Variants in NRXN1 observed in about 807,000 individuals in gnomAD.
The protein encoded by NRXN1 is neurexin-1.
A neutral mutation model predicts 150.9 loss-of-function variants in NRXN1; 39 were observed. That is an observed-to-expected ratio of 0.26 (90% confidence interval 0.20 to 0.34). The LOEUF is 0.34. NRXN1 is among the 10% of genes least tolerant of loss of function. NRXN1 has a pLI of 1.00. For synonymous variants in NRXN1, 924 were observed against 757.0 expected, an observed-to-expected ratio of 1.22 and a Z score of -3.62; for missense variants, 1,815 against 1,949.9, an observed-to-expected ratio of 0.93 and a Z score of 1.30.
At chr2:50,009,272 T>A (rs1204670891) in intron 21 of NRXN1, among the ~76,000 whole-genome samples, 3 of 152,084 alleles carry the variant, frequency 2.0e-5, no homozygotes, top group Non-Finnish European at 4.4e-5. Context: ...TCACTAAGCA[T>A]AGAAAGTCCT....
At chr2:50,454,874 G>A (rs1213151935) in intron 17 of NRXN1, among the ~76,000 whole-genome samples, 1 of 152,132 alleles carries the variant, frequency 6.6e-6, no homozygotes, top group Non-Finnish European at 1.5e-5. Flanking sequence ...TTTGGGTTCA[G>A]AAGCAGAAGA....
At chr2:50,285,854 G>A (rs1193036943) in intron 17 of NRXN1, among the ~76,000 whole-genome samples, 1 of 140,838 alleles carries the variant, frequency 7.1e-6, no homozygotes, top group African/African-American at 2.7e-5. Context: ...GTATAAAAGA[G>A]TTTTTTTGAA....
chr2:50,670,345 G>T (rs1688662876), intron 5 of NRXN1, among the ~76,000 whole-genome samples: 1 of 151,012 alleles, frequency 6.6e-6, no homozygotes, highest in African/African-American at 2.4e-5. Flanking sequence ...TATATTTAAT[G>T]CTATTTATTT....
At chr2:50,000,784 G>T (rs1683787808) in intron 21 of NRXN1, among the ~76,000 whole-genome samples, 1 of 152,058 alleles carries the variant, frequency 6.6e-6, no homozygotes, top group Non-Finnish European at 1.5e-5. Flanking sequence ...TGTGAAAATG[G>T]CTAGGATCAG....
intron 17 of NRXN1, among the ~76,000 whole-genome samples, chr2:50,249,120 G>C (rs2066796024): frequency 6.7e-6 from 1 of 149,384 alleles, no homozygotes; most frequent in Admixed American, 6.7e-5. Context: ...TCACATCACT[G>C]CATTCCACCC....
intron 2 of NRXN1, among the ~76,000 whole-genome samples, chr2:51,013,183 C>G (rs1320143528): frequency 6.6e-6 from 1 of 151,952 alleles, no homozygotes; most frequent in African/African-American, 2.4e-5. Flanking sequence ...GGCTGTAACT[C>G]GAGCTCAACC....
In NRXN1 at chr2:50,940,312, C is replaced by T. The variant is rs182172354; in HGVS notation, c.773-14357G>A. On this transcript the variant is annotated intron_variant, in intron 2 of 22. Transcript: ENST00000401669. ...CAACATGGTGAAACCCCATCTCTAC[C>T]AAAAATACAAAAATTAGCTGGGCAT... Among the ~76,000 whole-genome samples, 62 of 151,540 alleles carry T rather than the reference C, an allele frequency of 4.1e-4. 1 individual carries two copies. Among genetic ancestry groups the T allele is most frequent in the African/African-American group, 9.9e-4 (41 of 41,366 alleles).
intron 18 of NRXN1, among the ~76,000 whole-genome samples, chr2:50,224,202 G>A (rs1343988538): frequency 6.6e-6 from 1 of 151,850 alleles, no homozygotes; most frequent in South Asian, 2.1e-4. Flanking sequence ...AAATAAGCTG[G>A]GCCAGCCTGA....
intron 21 of NRXN1, among the ~76,000 whole-genome samples, chr2:49,947,285 G>A (rs1368903823): frequency 6.6e-6 from 1 of 151,928 alleles, no homozygotes; most frequent in East Asian, 1.9e-4. Context: ...CTTGTTAGAG[G>A]GAGGAGGATA....
chr2:50,405,406 T>C (rs1378598456), intron 17 of NRXN1, among the ~76,000 whole-genome samples: 3 of 152,116 alleles, frequency 2.0e-5, no homozygotes, highest in Middle Eastern at 3.4e-3. Flanking sequence ...ACCAACAATC[T>C]CCAAGAGGTG....
At chr2:50,412,375 T>A (rs886867367) in intron 17 of NRXN1, among the ~76,000 whole-genome samples, 3 of 151,408 alleles carry the variant, frequency 2.0e-5, no homozygotes, top group Non-Finnish European at 3.0e-5. Flanking sequence ...TAAAGAGACA[T>A]AATTCTCTCC....
At position 50,542,093 on chromosome 2, in the gene NRXN1, C is replaced by T. The variant is rs367989574; in HGVS notation, c.1760-3457G>A. 7.3e-4 allele frequency among the ~76,000 whole-genome samples: 111 copies of T among 152,184 alleles called. 1 individual carries two copies. The highest frequency in any genetic ancestry group is 2.5e-3 in the African/African-American group (105 of 41,512). ...GGTCAGGAGTTCGAGACCAGCCTGA[C>T]CAACATGGAGAAACCCCATCTCTAC... On this transcript the variant is annotated intron_variant, in intron 9 of 22. Coordinates refer to ENST00000401669, the MANE Select transcript of NRXN1 (RefSeq NM_001330078.2).
At chr2:50,490,534 C>A (rs1204892379) in intron 15 of NRXN1, among the ~76,000 whole-genome samples, 2 of 152,064 alleles carry the variant, frequency 1.3e-5, no homozygotes, top group Non-Finnish European at 2.9e-5. Context: ...AAACCCTGTA[C>A]TGGGGGGAAT....
chr2:50,946,934 G>A (rs534008248), intron 2 of NRXN1, among the ~76,000 whole-genome samples: 8 of 152,212 alleles, frequency 5.3e-5, no homozygotes, highest in African/African-American at 1.9e-4. Flanking sequence ...AAAAATAACT[G>A]CATAGTTCAT....
chr2:50,657,563 G>T (rs1272795808), intron 5 of NRXN1, among the ~76,000 whole-genome samples: 3 of 151,986 alleles, frequency 2.0e-5, no homozygotes, highest in Non-Finnish European at 4.4e-5. Context: ...TCCGTAAAGA[G>T]CGTTATTCCC....
intron 17 of NRXN1, among the ~76,000 whole-genome samples, chr2:50,354,586 T>TACAC (rs1553484598): frequency 4.8e-5 from 6 of 124,842 alleles, no homozygotes; most frequent in African/African-American, 1.5e-4. Context: ...TATATATATA[T>TACAC]ACACACACAC....
chr2:50,245,472 C>T (rs550074048), intron 17 of NRXN1, among the ~76,000 whole-genome samples: 1 of 151,960 alleles, frequency 6.6e-6, no homozygotes, highest in South Asian at 2.1e-4. Flanking sequence ...GCAAGTAACT[C>T]AGTAATCAAT....
At chr2:50,761,184 T>C (rs1456206145) in intron 5 of NRXN1, among the ~76,000 whole-genome samples, 2 of 151,974 alleles carry the variant, frequency 1.3e-5, no homozygotes, top group African/African-American at 2.4e-5. Context: ...ATTTTTTATA[T>C]GCATTTTTTT....
intron 2 of NRXN1, among the ~76,000 whole-genome samples, chr2:50,928,050 G>A (rs1247572858): frequency 1.3e-5 from 2 of 151,850 alleles, no homozygotes; most frequent in African/African-American, 4.8e-5. Flanking sequence ...TTTTGCCATG[G>A]ATCCTACTCT....
Sources: allele counts gnomAD v4.1 joint callset (sites outside exome capture counted in the v4.1 genomes callset), GRCh38; gene constraint gnomAD v4.1.1; transcripts MANE v1.5; gene names NCBI Gene and HGNC (gene_info 2026-07-23, HGNC 2026-07-21).